Variants in KIF21B observed in about 807,000 individuals in gnomAD.
KIF21B encodes the protein kinesin family member 21B.
KIF21B carries 85 observed loss-of-function variants against 192.9 expected under a neutral mutation model. The observed-to-expected ratio is 0.44, with a 90% confidence interval of 0.37 to 0.53. The LOEUF (loss-of-function observed/expected upper bound fraction) is 0.53. KIF21B is among the 20% of genes least tolerant of loss of function. The probability of loss-of-function intolerance (pLI) is 0.00; values close to 1 mark genes in which losing one functional copy is unlikely to be tolerated. For synonymous variants in KIF21B, 832 were observed against 884.6 expected (o/e 0.94, Z 1.05); for missense variants, 1,716 against 2,194.8 (o/e 0.78, Z 4.36).
At chr1:200,991,756 C>A (rs374602872) in intron 16 of KIF21B, 31 bp from the exon 17 acceptor site, 61 of 1,610,120 alleles carry the variant, frequency 3.8e-5, no homozygotes, top group African/African-American at 5.3e-5. Flanking sequence ...CTGGGCTCCA[C>A]ACTCAGGCAC....
rs1558002936 is a variant in KIF21B, at chr1:200,984,901, G to A, written c.3761C>T (p.Ser1254Phe). Residue 1254 changes from serine to phenylalanine, a missense_variant, in exon 27 of 35, where the codon TCT (serine) becomes TTT (phenylalanine). This residue lies in a region of KIF21B where 580 missense variants were observed against 775.5 expected (regional missense o/e 0.75). Transcript: ENST00000461742. ...TRPRNDRNVFSRLTSNQSQGS... is the reference protein window; with the variant it reads ...TRPRNDRNVFFRLTSNQSQGS... Reference sequence around the variant, plus strand: ...CTGGCTCTGATTACTGGTGAGACGAGAGAAGACATTGCGGTCATTGCGGGG... The same window carrying A: ...CTGGCTCTGATTACTGGTGAGACGAAAGAAGACATTGCGGTCATTGCGGGG... The A allele has an allele frequency of 6.2e-7, 1 of 1,607,324 alleles. No individual in the cohort carries two copies. Among genetic ancestry groups the A allele is most frequent in the East Asian group, 2.3e-5 (1 of 43,820 alleles).
intron 1 of KIF21B, among the ~76,000 whole-genome samples, chr1:201,012,669 G>A (rs1334218743): frequency 8.8e-6 from 1 of 113,726 alleles, no homozygotes; most frequent in Non-Finnish European, 1.9e-5. Context: ...TTGAGACAAA[G>A]TCTCACCTTG....
intron 1 of KIF21B, among the ~76,000 whole-genome samples, chr1:201,022,340 C>A (rs1466613458): frequency 6.6e-6 from 1 of 152,226 alleles, no homozygotes; most frequent in Non-Finnish European, 1.5e-5. Flanking sequence ...TCATACAGGG[C>A]TGGGGCAGAG....
chr1:200,996,824 T>C (rs543278481), intron 14 of KIF21B, among the ~76,000 whole-genome samples: 1 of 152,236 alleles, frequency 6.6e-6, no homozygotes, highest in African/African-American at 2.4e-5. Flanking sequence ...ACTCTTGGCC[T>C]CTCCTACCAG....
chr1:201,007,531 GACAC>G (rs1258227460), intron 3 of KIF21B, among the ~76,000 whole-genome samples: 4 of 108,888 alleles, frequency 3.7e-5, no homozygotes, highest in Admixed American at 9.1e-5. Context: ...GAGACACACA[GACAC>G]ACACACAGAC....
chr1:200,975,386 A>G lies in KIF21B; in HGVS notation c.4614+113T>C. ...AACAGGAGGGCTTGGGGAGCTGTGA[A>G]AACCATCTGGCCTGGGGCCCGCGAG... On this transcript the variant is annotated intron_variant, in intron 33 of 34. Coordinates refer to ENST00000461742, the MANE Select transcript of KIF21B (RefSeq NM_001252102.2). The surrounding 1 kb of genome is among the most constrained non-coding windows in gnomAD (Gnocchi z 4.3). 1 of 935,838 alleles carries G rather than the reference A, an allele frequency of 1.1e-6. No individual in the cohort carries two copies. The highest frequency in any genetic ancestry group is 1.6e-6 in the Non-Finnish European group (1 of 612,054). The allele number at this position is 935,838 out of a possible 1,614,324, so 58.0% of individuals were successfully genotyped here. A position where few individuals can be genotyped will look rare whatever the true frequency, so the allele number is the denominator to read the frequency against.
chr1:200,984,626 C>A (rs1656166285), intron 27 of KIF21B, among the ~76,000 whole-genome samples: 1 of 152,238 alleles, frequency 6.6e-6, no homozygotes, highest in Admixed American at 6.5e-5. Context: ...CTGTGGCCTC[C>A]TTCTTGCCCT....
At position 201,000,502 on chromosome 1, in the gene KIF21B, C is replaced by T. The variant is rs1456511036; in HGVS notation, c.1573G>A (p.Ala525Thr). The change falls in exon 11 of 35, where the codon GCC (alanine) becomes ACC (threonine). Residue 525 changes from alanine to threonine, a missense_variant. Transcript: ENST00000461742. The surrounding 1 kb of genome is among the most constrained non-coding windows in gnomAD (Gnocchi z 6.0). ...YSLGASPAAP[A>T]FGGSPASSME... ...GAGCTGGCAGGGCTGCCCCCGAAGG[C>T]CGGGGCGGCTGGAGAAGCACCCAGG... is the stretch of plus-strand genomic sequence containing the variant. 1.2e-6 allele frequency: 2 copies of T among 1,610,204 alleles called. No individual in the cohort carries two copies. The highest frequency in any genetic ancestry group is 2.2e-5 in the South Asian group (2 of 90,948).
intron 26 of KIF21B, among the ~76,000 whole-genome samples, chr1:200,986,505 G>A (rs949558179): frequency 2.0e-5 from 3 of 152,032 alleles, no homozygotes; most frequent in South Asian, 2.1e-4. Context: ...ATACAGGCAT[G>A]TGCCACTATG....
At chr1:201,006,873 CAG>C (rs1314251612) in intron 3 of KIF21B, among the ~76,000 whole-genome samples, 1 of 150,222 alleles carries the variant, frequency 6.7e-6, no homozygotes, top group Non-Finnish European at 1.5e-5. Flanking sequence ...CACACACACA[CAG>C]ACACAGAGAC....
chr1:200,985,244 T>C (rs1238757489), intron 26 of KIF21B, among the ~76,000 whole-genome samples: 2 of 152,174 alleles, frequency 1.3e-5, no homozygotes, highest in Non-Finnish European at 2.9e-5. Flanking sequence ...TCTCAGTAAA[T>C]TGAAAGGCCG....
rs116128778 is a variant in KIF21B at position 200,998,858 on chromosome 1, T to G, written c.1886-283A>C. 7.4e-4 allele frequency among the ~76,000 whole-genome samples: 113 copies of G among 152,262 alleles called. 1 individual carries two copies. The highest frequency in any genetic ancestry group is 2.5e-3 in the African/African-American group (102 of 41,550). The stretch of plus-strand genomic sequence containing the variant: ...GAGGCCAGCATCCACCTGTTCCAGA[T>G]GACATGGGACCAGCTTCAGTGGAGG... On this transcript the variant is annotated intron_variant, in intron 13 of 34. Transcript: ENST00000461742. The surrounding 1 kb of genome is among the most constrained non-coding windows in gnomAD (Gnocchi z 4.3).
At chr1:200,978,111 G>A (rs1181190338) in intron 30 of KIF21B, among the ~76,000 whole-genome samples, 1 of 146,816 alleles carries the variant, frequency 6.8e-6, no homozygotes, top group South Asian at 2.2e-4. Context: ...GTGCAATGGT[G>A]TGATCTCGGC....
At position 200,991,745 on chromosome 1, in the gene KIF21B, G is replaced by A. The variant is rs1415351566; in HGVS notation, c.2386-20C>T. Reference sequence around the variant, plus strand: ...CTGAAACTGTGGGAGACAGAAGAGGGCTGGGCTCCACACTCAGGCACCTTA... The same window carrying A: ...CTGAAACTGTGGGAGACAGAAGAGGACTGGGCTCCACACTCAGGCACCTTA... On this transcript the variant is annotated intron_variant, in intron 16 of 34. Transcript: ENST00000461742. 8 of 1,613,348 alleles carry A rather than the reference G, an allele frequency of 5.0e-6. No individual in the cohort carries two copies. In the Admixed American group the frequency reaches 1.3e-4, roughly 27 times the overall value.
intron 21 of KIF21B, among the ~76,000 whole-genome samples, 177 bp from the exon 22 acceptor site, chr1:200,989,108 C>T (rs1656507783): frequency 6.6e-6 from 1 of 152,164 alleles, no homozygotes; most frequent in Admixed American, 6.5e-5. Context: ...CACATACACA[C>T]ATTAAGTGAA....
chr1:200,984,487 T>C (rs755795867), intron 27 of KIF21B, among the ~76,000 whole-genome samples: 13 of 152,096 alleles, frequency 8.5e-5, no homozygotes, highest in Non-Finnish European at 1.5e-4. Context: ...AGTGGAGTGG[T>C]TGAAGCTGAA....
At chr1:201,001,824 A>T (rs1657516116) in intron 9 of KIF21B, 1 of 331,272 alleles carries the variant, frequency 3.0e-6, no homozygotes, top group Non-Finnish European at 5.7e-6. Flanking sequence ...CTTGAAACAA[A>T]TACTGAGAAA....
intron 24 of KIF21B, among the ~76,000 whole-genome samples, chr1:200,987,726 C>G (rs1023586495): frequency 5.9e-5 from 9 of 152,202 alleles, no homozygotes; most frequent in African/African-American, 1.2e-4. Context: ...GAATGCCCAG[C>G]CTGACTTCTT....
intron 24 of KIF21B, among the ~76,000 whole-genome samples, chr1:200,988,032 T>C (rs915985706): frequency 6.6e-6 from 1 of 152,240 alleles, no homozygotes; most frequent in Non-Finnish European, 1.5e-5. Flanking sequence ...GTTATGGTGC[T>C]GTTGCTAGCA....
Sources: allele counts gnomAD v4.1 joint callset (sites outside exome capture counted in the v4.1 genomes callset), GRCh38; gene constraint gnomAD v4.1.1; regional missense constraint gnomAD v4.1.1; non-coding constraint Gnocchi (gnomAD v3.1); transcripts MANE v1.5; gene names NCBI Gene and HGNC (gene_info 2026-07-23, HGNC 2026-07-21).